Variants in CCR5AS observed in about 807,000 individuals in gnomAD.
CCR5AS encodes the protein CCR5 antisense RNA.
chr3:46,370,185 G>A (rs1701643244), intron 3 of CCR5AS, among the ~76,000 whole-genome samples: 3 of 152,148 alleles, frequency 2.0e-5, no homozygotes, highest in South Asian at 2.1e-4. Flanking sequence ...TGCCACCTAT[G>A]TATCTGGCAT....
rs570049250 is a variant in CCR5AS, at chr3:46,379,447, C to T, written n.392-8030G>A. ...CACCATGGTAAATTTCTTTATCATT[C>T]GCACTCTCCTTTCTCTATTATTGTT... On this transcript the variant is annotated intron_variant and non_coding_transcript_variant, in intron 2 of 3. Coordinates refer to ENST00000451485, the Ensembl canonical transcript of CCR5AS. 9.2e-5 allele frequency among the ~76,000 whole-genome samples: 14 copies of T among 152,172 alleles called. No homozygotes were observed. In the East Asian group the frequency reaches 1.4e-3, roughly 15 times the overall value.
At chr3:46,383,733 C>G (rs1701833854) in intron 2 of CCR5AS, among the ~76,000 whole-genome samples, 1 of 152,048 alleles carries the variant, frequency 6.6e-6, no homozygotes. Flanking sequence ...GAAACAGAAA[C>G]AAAAGAAACC....
chr3:46,393,082 G>C (rs998655282), intron 1 of CCR5AS: 1 of 152,532 alleles, frequency 6.6e-6, no homozygotes, highest in African/African-American at 2.4e-5. Context: ...TGGGAGTTAG[G>C]GTTGGGGTGG....
intron 2 of CCR5AS, among the ~76,000 whole-genome samples, chr3:46,379,344 C>T (rs1701792696): frequency 6.6e-6 from 1 of 151,984 alleles, no homozygotes; most frequent in African/African-American, 2.4e-5. Context: ...CTACAAAGGA[C>T]ATGAACATAG....
chr3:46,382,658 A>G lies in CCR5AS; in HGVS notation n.391+10167T>C, dbSNP rs1333849603. Among the ~76,000 whole-genome samples the G allele has an allele frequency of 3.3e-5, 5 of 152,326 alleles. No homozygotes were observed. In the South Asian group the frequency reaches 6.2e-4, roughly 19 times the overall value. On this transcript the variant is annotated intron_variant and non_coding_transcript_variant, in intron 2 of 3. Transcript: ENST00000451485. The stretch of plus-strand genomic sequence containing the variant: ...AATGACGGGAATGCTTTGTATCTGC[A>G]TCATCCAAAATGGTAGCCACCAGGC...
chr3:46,397,952 G>A (rs745919286), intron 1 of CCR5AS, among the ~76,000 whole-genome samples: 2 of 152,234 alleles, frequency 1.3e-5, no homozygotes, highest in East Asian at 1.9e-4. Flanking sequence ...GGCCATGTCC[G>A]TGTAACTCCG....
At chr3:46,383,153 G>T (rs1389568726) in intron 2 of CCR5AS, among the ~76,000 whole-genome samples, 4 of 152,250 alleles carry the variant, frequency 2.6e-5, no homozygotes, top group Non-Finnish European at 5.9e-5. Context: ...TCAGCCAGGG[G>T]CTCATGGGTA....
At chr3:46,388,706 G>A (rs192433495) in intron 2 of CCR5AS, among the ~76,000 whole-genome samples, 81 of 152,322 alleles carry the variant, frequency 5.3e-4, no homozygotes, top group African/African-American at 1.7e-3. Context: ...TGCAAAGGAA[G>A]CAATTGTTTG....
At chr3:46,373,678 C>A in intron 2 of CCR5AS, 1 of 1,614,142 alleles carries the variant, frequency 6.2e-7, no homozygotes, top group South Asian at 1.1e-5. Context: ...CTCCTGAACA[C>A]CTTCCAGGAA....
chr3:46,364,288 TG>T (rs1338659233), downstream of CCR5AS, among the ~76,000 whole-genome samples: 1 of 152,260 alleles, frequency 6.6e-6, no homozygotes, highest in Non-Finnish European at 1.5e-5. Context: ...TTGAAGTAAA[TG>T]TTCATTTACT....
chr3:46,373,849 T>G (rs1400162439), intron 2 of CCR5AS: 1 of 1,614,070 alleles, frequency 6.2e-7, no homozygotes, highest in Non-Finnish European at 8.5e-7. Context: ...CAAAAGCACA[T>G]TGCCAAACGC....
At chr3:46,377,301 C>A (rs766436157) in intron 2 of CCR5AS, among the ~76,000 whole-genome samples, 1 of 152,202 alleles carries the variant, frequency 6.6e-6, no homozygotes, top group Admixed American at 6.5e-5. Flanking sequence ...TTTCAACTCA[C>A]GACCTTCAGG....
chr3:46,380,533 G>A (rs1701806354), intron 2 of CCR5AS, among the ~76,000 whole-genome samples: 1 of 152,200 alleles, frequency 6.6e-6, no homozygotes, highest in Non-Finnish European at 1.5e-5. Context: ...CAACCCCTTT[G>A]CTTTATAAAT....
intron 2 of CCR5AS, among the ~76,000 whole-genome samples, chr3:46,377,799 G>A (rs555096843): frequency 2.0e-4 from 30 of 151,984 alleles, no homozygotes; most frequent in African/African-American, 4.8e-4. Flanking sequence ...ACTGCCTCCC[G>A]GGTTCAAGCA....
chr3:46,391,744 G>A (rs1701915760), intron 2 of CCR5AS, among the ~76,000 whole-genome samples: 1 of 152,180 alleles, frequency 6.6e-6, no homozygotes, highest in African/African-American at 2.4e-5. Flanking sequence ...GGTGTGAGGA[G>A]AGAAGGTGAC....
In CCR5AS at chr3:46,381,245, T is replaced by C. The variant is rs1031282861; in HGVS notation, n.392-9828A>G. 2.2e-3 allele frequency among the ~76,000 whole-genome samples: 335 copies of C among 152,292 alleles called. 10 individuals carry two copies. The highest frequency in any genetic ancestry group is 0.021 in the Admixed American group (328 of 15,300). On this transcript the variant is annotated intron_variant and non_coding_transcript_variant, in intron 2 of 3. Transcript: ENST00000451485. ...GTCTGAGATGTTTCTCAAATAAATA[T>C]AGATTTTGCTTATGTGGCTAAAGGA...
At chr3:46,365,686 T>C (rs573919568) in intron 3 of CCR5AS, among the ~76,000 whole-genome samples, 10 of 152,280 alleles carry the variant, frequency 6.6e-5, no homozygotes, top group African/African-American at 2.2e-4. Flanking sequence ...GGCCTAGATA[T>C]GGTGGGGGCT....
intron 1 of CCR5AS, chr3:46,406,766 C>T (rs1026512990): frequency 2.0e-5 from 3 of 152,932 alleles, no homozygotes; most frequent in African/African-American, 7.3e-5. Flanking sequence ...GAGACCCCAC[C>T]TCTGCCCCTG....
intron 2 of CCR5AS, among the ~76,000 whole-genome samples, chr3:46,377,427 T>C (rs1198853239): frequency 6.6e-6 from 1 of 152,176 alleles, no homozygotes; most frequent in Non-Finnish European, 1.5e-5. Context: ...TGACTGTCCT[T>C]AGGAAGAGTA....
Sources: allele counts gnomAD v4.1 joint callset (sites outside exome capture counted in the v4.1 genomes callset), GRCh38; gene constraint gnomAD v4.1.1; transcripts MANE v1.5; gene names NCBI Gene and HGNC (gene_info 2026-07-23, HGNC 2026-07-21).